SH3PXD2A: variants seen among roughly 807,000 people sequenced by gnomAD.
SH3PXD2A encodes the protein SH3 and PX domains 2A, also known as SH3 and PX domain-containing protein 2A.
A neutral mutation model predicts 115.2 loss-of-function variants in SH3PXD2A; 32 were observed. The observed-to-expected ratio is 0.28, with a 90% CI of 0.21 to 0.37. The LOEUF (loss-of-function observed/expected upper bound fraction) is 0.37, where lower values mean the gene tolerates loss of function less well. SH3PXD2A is among the 10% of genes least tolerant of loss of function. The pLI, the probability that SH3PXD2A is intolerant of heterozygous loss-of-function variation, is 1.00. For synonymous variants in SH3PXD2A, 610 were observed against 629.1 expected, an observed-to-expected ratio of 0.97 and a Z score of 0.45; for missense variants, 1,328 against 1,498.7, an observed-to-expected ratio of 0.89 and a Z score of 1.88.
intron 5 of SH3PXD2A, among the ~76,000 whole-genome samples, chr10:103,713,416 A>G (rs1301585098): frequency 2.0e-5 from 3 of 152,232 alleles, no homozygotes; most frequent in Non-Finnish European, 2.9e-5. Flanking sequence ...CATTTACCTG[A>G]TGCTGAAGTG....
At chr10:103,712,804 TG>T (rs2038061414) in intron 5 of SH3PXD2A, among the ~76,000 whole-genome samples, 1 of 152,226 alleles carries the variant, frequency 6.6e-6, no homozygotes, top group South Asian at 2.1e-4. Flanking sequence ...TGGAGCTAGT[TG>T]CCCCAGCCAA....
intron 6 of SH3PXD2A, among the ~76,000 whole-genome samples, 178 bp downstream of exon 6, chr10:103,692,850 G>A (rs978133424): frequency 6.6e-6 from 1 of 152,164 alleles, no homozygotes; most frequent in African/African-American, 2.4e-5. Context: ...GGTCTCAGGG[G>A]CCATGGACTG....
intron 5 of SH3PXD2A, among the ~76,000 whole-genome samples, chr10:103,713,644 AC>A (rs2038071443): frequency 6.6e-6 from 1 of 152,044 alleles, no homozygotes; most frequent in African/African-American, 2.4e-5. Flanking sequence ...GGCCTTCCTG[AC>A]CACCTCAGCA....
chr10:103,749,625 G>A lies in SH3PXD2A; in HGVS notation c.230-13817C>T, dbSNP rs956508876. On this transcript the variant is annotated intron_variant, in intron 3 of 14. Coordinates refer to ENST00000369774, the MANE Select transcript of SH3PXD2A (RefSeq NM_001394015.1). ...GACTCAAAGGAGGCTGTGGAAGTCA[G>A]CCTCCAAGATGGCCCCAGTGACTCT... is the stretch of plus-strand genomic sequence containing the variant. Among the ~76,000 whole-genome samples the A allele has an allele frequency of 2.0e-5, 3 of 152,220 alleles. 1 individual carries two copies. The highest frequency in any genetic ancestry group is 2.9e-5 in the Non-Finnish European group (2 of 68,042).
chr10:103,629,272 A>C (rs940301290), intron 8 of SH3PXD2A, among the ~76,000 whole-genome samples: 6 of 152,236 alleles, frequency 3.9e-5, no homozygotes, highest in Non-Finnish European at 8.8e-5. Context: ...GGTGACAGGC[A>C]GGTGCTGGAA....
At chr10:103,644,373 T>C (rs1455280848) in intron 8 of SH3PXD2A, among the ~76,000 whole-genome samples, 1 of 151,816 alleles carries the variant, frequency 6.6e-6, no homozygotes, top group Non-Finnish European at 1.5e-5. Flanking sequence ...TGAGTCCAGG[T>C]GTTCAAGACC....
Position 103,603,520 on chromosome 10 carries a change from G to T in SH3PXD2A, c.1698C>A (p.Asp566Glu), listed in dbSNP as rs1209359707. The T allele has an allele frequency of 6.2e-7, 1 of 1,612,716 alleles. No homozygotes were observed. Among genetic ancestry groups the T allele is most frequent in the African/African-American group, 1.3e-5 (1 of 75,054 alleles). ...GCTCCTCGCTCAGCTCAGGCTCTGAGTCAAAGCCGAATGCAGGGATGTCAT... is the reference window on the plus strand; with the variant it reads ...GCTCCTCGCTCAGCTCAGGCTCTGATTCAAAGCCGAATGCAGGGATGTCAT... Reference protein sequence around the residue: ...PEYDIPAFGFDSEPELSEEPV... With the variant: ...PEYDIPAFGFESEPELSEEPV... Residue 566 changes from aspartate to glutamate, a missense_variant, in exon 15 of 15, where the codon GAC becomes GAA. Coordinates refer to ENST00000369774, the MANE Select transcript of SH3PXD2A (RefSeq NM_001394015.1).
intron 1 of SH3PXD2A, among the ~76,000 whole-genome samples, chr10:103,847,340 G>C (rs1229997965): frequency 6.6e-6 from 1 of 151,548 alleles, no homozygotes; most frequent in Non-Finnish European, 1.5e-5. Context: ...TTGAGACAGG[G>C]TCTCACTCTG....
chr10:103,718,321 G>T (rs1019752530), intron 5 of SH3PXD2A, among the ~76,000 whole-genome samples: 1 of 152,148 alleles, frequency 6.6e-6, no homozygotes, highest in South Asian at 2.1e-4. Context: ...GGGGCCAAGG[G>T]CATGTCTTTA....
chr10:103,825,820 G>A (rs1379545668), intron 1 of SH3PXD2A, among the ~76,000 whole-genome samples: 1 of 147,960 alleles, frequency 6.8e-6, no homozygotes. Context: ...CTGGGGTGCA[G>A]TGGCGCAATC....
chr10:103,830,114 GA>G (rs1361244996), intron 1 of SH3PXD2A, among the ~76,000 whole-genome samples: 2 of 152,178 alleles, frequency 1.3e-5, no homozygotes, highest in African/African-American at 4.8e-5. Context: ...GGGAAAACAA[GA>G]TAAGAGAGGT....
Position 103,611,761 on chromosome 10 carries a change from T to C in SH3PXD2A, c.1259-131A>G. On this transcript the variant is annotated intron_variant, in intron 12 of 14. Transcript: ENST00000369774. ...CTTTAGCTCAGCCTTTATGAAGGAC[T>C]TGACACTCTAAGTCACTATGGGCAC... 3 of 767,818 alleles carry C rather than the reference T, an allele frequency of 3.9e-6. No homozygotes were observed. In the South Asian group the frequency reaches 4.5e-5, roughly 12 times the overall value. 47.6% of individuals were successfully genotyped at this position (767,818 alleles called of 1,614,324 possible). A position where few individuals can be genotyped will look rare whatever the true frequency, so the allele number is the denominator to read the frequency against.
At position 103,627,027 on chromosome 10, in the gene SH3PXD2A, AGT is replaced by A; in HGVS notation, c.718+60_718+61del. The stretch of plus-strand genomic sequence containing the variant: ...GGGGTTCTGTTGGTTCTAGGGAAAG[AGT>A]GAGAGAGCTGCCTCCAGAGGCCGCG... On this transcript the variant is annotated intron_variant, in intron 9 of 14. Coordinates refer to ENST00000369774, the MANE Select transcript of SH3PXD2A (RefSeq NM_001394015.1). This position sits in a 1 kb window ranked among gnomAD's most constrained non-coding sequence, Gnocchi z 4.4. 2.3e-6 allele frequency: 2 copies of A among 879,482 alleles called. No homozygotes were observed. The highest frequency in any genetic ancestry group is 2.7e-5 in the South Asian group (2 of 73,312). The allele number at this position is 879,482 out of a possible 1,614,324, so 54.5% of individuals were successfully genotyped here.
chr10:103,769,534 C>T (rs149197539), intron 2 of SH3PXD2A, among the ~76,000 whole-genome samples: 1,627 of 151,240 alleles, frequency 0.011, 26 homozygotes, highest in African/African-American at 0.036. Flanking sequence ...CTGCAACCTC[C>T]GCCTCCCAGG....
At chr10:103,779,764 G>A (rs1364120958) in intron 2 of SH3PXD2A, among the ~76,000 whole-genome samples, 3 of 152,166 alleles carry the variant, frequency 2.0e-5, no homozygotes, top group African/African-American at 7.2e-5. Context: ...CCAGATTTGA[G>A]GTGTTTTCTG....
chr10:103,727,110 A>G (rs533055018), intron 4 of SH3PXD2A, among the ~76,000 whole-genome samples: 1 of 152,212 alleles, frequency 6.6e-6, no homozygotes, highest in Non-Finnish European at 1.5e-5. Context: ...GATGAGAGAG[A>G]GCAAATCTAA....
chr10:103,810,110 G>A (rs2039251894), intron 1 of SH3PXD2A, among the ~76,000 whole-genome samples: 1 of 152,194 alleles, frequency 6.6e-6, no homozygotes, highest in East Asian at 1.9e-4. Flanking sequence ...ACCTTTTGGA[G>A]GCTCTTGTGA....
chr10:103,660,211 G>A (rs1273006409), intron 8 of SH3PXD2A, among the ~76,000 whole-genome samples: 2 of 152,140 alleles, frequency 1.3e-5, no homozygotes, highest in Non-Finnish European at 2.9e-5. Flanking sequence ...TCCTGGGCTC[G>A]AGTCCCAGCC....
chr10:103,661,596 C>T, intron 7 of SH3PXD2A: 1 of 940,748 alleles, frequency 1.1e-6, no homozygotes. Flanking sequence ...AAAGGAAAGG[C>T]AAGCAGGAGG....
Sources: allele counts gnomAD v4.1 joint callset (sites outside exome capture counted in the v4.1 genomes callset), GRCh38; gene constraint gnomAD v4.1.1; non-coding constraint Gnocchi (gnomAD v3.1); transcripts MANE v1.5; gene names NCBI Gene and HGNC (gene_info 2026-07-23, HGNC 2026-07-21).